The following RGPD4 variants were observed in gnomAD, a reference collection of about 807,000 sequenced individuals.
RGPD4 encodes the protein ranBP2-like and GRIP domain-containing protein 4.
RGPD4 carries 84 observed loss-of-function variants against 141.1 expected under a neutral mutation model. The observed-to-expected ratio is 0.60, with a 90% CI of 0.50 to 0.71. The LOEUF is 0.71. Among genes scored for constraint, RGPD4 ranks in the 30% least tolerant of loss-of-function variants. RGPD4 has a pLI of 0.00. For missense variants in RGPD4, 918 were observed against 1,622.4 expected (o/e 0.57, Z 7.46); for synonymous variants, 298 against 566.8 (o/e 0.53, Z 6.74).
At position 107,836,634 on chromosome 2, in the gene RGPD4, G is replaced by A. The variant is rs200396941; in HGVS notation, c.105G>A (p.Leu35=). 282 of 1,463,780 alleles carry A rather than the reference G, an allele frequency of 1.9e-4. No individual in the cohort carries two copies. The highest frequency in any genetic ancestry group is 2.0e-4 in the Non-Finnish European group (220 of 1,089,670). 90.7% of individuals were successfully genotyped at this position (1,463,780 alleles called of 1,614,324 possible). The change falls in exon 2 of 23, where the codon CTG becomes CTA. Residue 35 remains leucine (L), a synonymous_variant. Transcript: ENST00000408999. ...CGAGAGGATTCTATTTTGCAAAGCTGTATTATGAAGCTAAAGAATATGATC... is the reference window on the plus strand; with the variant it reads ...CGAGAGGATTCTATTTTGCAAAGCTATATTATGAAGCTAAAGAATATGATC... ...KSTRGFYFAK[L]YYEAKEYDLA...
At chr2:107,863,243 C>G (rs904106907) in intron 17 of RGPD4, among the ~76,000 whole-genome samples, 4 of 70,604 alleles carry the variant, frequency 5.7e-5, no homozygotes, top group Middle Eastern at 5.0e-3. Context: ...CTTACTGCGG[C>G]TTCGACCTCC....
chr2:107,869,482 A>T (rs1573515437), intron 18 of RGPD4, among the ~76,000 whole-genome samples: 1 of 137,628 alleles, frequency 7.3e-6, no homozygotes, highest in Admixed American at 7.2e-5. Context: ...CTTTCTGCAG[A>T]TTTTCTAGGC....
rs1214657186 is a variant in RGPD4 at position 107,892,151 on chromosome 2, TGA to T, written c.*1422_*1423del. Among the ~76,000 whole-genome samples, 1 of 53,714 alleles carries T rather than the reference TGA, an allele frequency of 1.9e-5. No individual in the cohort carries two copies. Among genetic ancestry groups the T allele is most frequent in the African/African-American group, 1.3e-4 (1 of 7,524 alleles). 35.2% of individuals were successfully genotyped at this position (53,714 alleles called of 152,430 possible). A position where few individuals can be genotyped will look rare whatever the true frequency, so the allele number is the denominator to read the frequency against. On this transcript the variant is annotated 3_prime_UTR_variant, in exon 23 of 23. Transcript: ENST00000408999. ...TAACTGAAATTTGCTGCTGATATGT[TGA>T]GTTTGTTCTTTAAAAAATATCTCAT...
Position 107,868,994 on chromosome 2 carries a change from T to C in RGPD4, c.2606-889T>C, listed in dbSNP as rs1403480604. Among the ~76,000 whole-genome samples the C allele has an allele frequency of 4.7e-5, 2 of 42,832 alleles. 1 individual carries two copies. Among genetic ancestry groups the C allele is most frequent in the Non-Finnish European group, 9.7e-5 (2 of 20,520 alleles). The allele number at this position is 42,832 out of a possible 152,430, so 28.1% of individuals were successfully genotyped here. ...GGGCCATTTCTGTCAGGTTGTTCTGTGTTCTGTGCCTGCTTCCTCCCCATA... is the reference window on the plus strand; with the variant it reads ...GGGCCATTTCTGTCAGGTTGTTCTGCGTTCTGTGCCTGCTTCCTCCCCATA... On this transcript the variant is annotated intron_variant, in intron 18 of 22. Transcript: ENST00000408999.
At chr2:107,827,645 G>A (rs1681266812) in intron 1 of RGPD4, among the ~76,000 whole-genome samples, 2 of 52,320 alleles carry the variant, frequency 3.8e-5, no homozygotes, top group Admixed American at 1.5e-4. Flanking sequence ...CCCGACGGGC[G>A]CTGCTCCCTG....
intron 1 of RGPD4, among the ~76,000 whole-genome samples, chr2:107,831,449 G>C (rs1004626341): frequency 2.2e-4 from 32 of 147,246 alleles, no homozygotes; most frequent in Admixed American, 5.4e-4. Flanking sequence ...ACCTTTGACA[G>C]CTGTTAGTTG....
chr2:107,870,652 A>T, intron 19 of RGPD4, 53 bp from the exon 20 acceptor site: 5 of 1,319,604 alleles, frequency 3.8e-6, no homozygotes, highest in Non-Finnish European at 5.3e-6. Context: ...TATTTATTTC[A>T]TGACTATTTT....
At position 107,844,929 on chromosome 2, in the gene RGPD4, G is replaced by T. The variant is rs545198354; in HGVS notation, c.782+1199G>T. Among the ~76,000 whole-genome samples the T allele has an allele frequency of 5.6e-3, 688 of 123,286 alleles. 13 individuals are homozygous for T. The highest frequency in any genetic ancestry group is 0.02 in the African/African-American group (645 of 31,516). The allele number at this position is 123,286 out of a possible 152,430, so 80.9% of individuals were successfully genotyped here. On this transcript the variant is annotated intron_variant, in intron 6 of 22. Coordinates refer to ENST00000408999, the MANE Select transcript of RGPD4 (RefSeq NM_182588.3). The stretch of plus-strand genomic sequence containing the variant: ...TGACTCACTGTAACCTCTGCCTCCC[G>T]GGTTCAGGCGATTCTCCTGCCTCAG...
chr2:107,881,643 TC>T (rs1473952642), intron 21 of RGPD4, among the ~76,000 whole-genome samples: 1 of 150,730 alleles, frequency 6.6e-6, no homozygotes, highest in Non-Finnish European at 1.5e-5. Flanking sequence ...AAATTTATAC[TC>T]TCTTCATGAT....
At chr2:107,857,177 G>A (rs935983733) in intron 9 of RGPD4, among the ~76,000 whole-genome samples, 15 of 148,578 alleles carry the variant, frequency 1.0e-4, no homozygotes, top group Admixed American at 4.0e-4. Context: ...TGCTCTTGTC[G>A]CCCATGCTGG....
At chr2:107,833,219 C>T (rs924962162) in intron 1 of RGPD4, among the ~76,000 whole-genome samples, 4 of 149,418 alleles carry the variant, frequency 2.7e-5, no homozygotes, top group Admixed American at 1.3e-4. Flanking sequence ...GGTGACAGAG[C>T]GAGACTCCGT....
chr2:107,888,435 G>A (rs1208519154), intron 22 of RGPD4, among the ~76,000 whole-genome samples: 1 of 151,308 alleles, frequency 6.6e-6, no homozygotes, highest in Non-Finnish European at 1.5e-5. Context: ...TGGGAACAAG[G>A]TTACCTCACT....
chr2:107,859,746 A>G lies in RGPD4; in HGVS notation c.1659A>G (p.Arg553=), dbSNP rs760426346. Reference sequence around the variant, plus strand: ...GACCTGGAAACTCAGCAAAATTGAGACTTTTAGTTCAGCATGAAATAAACA... The same window carrying G: ...GACCTGGAAACTCAGCAAAATTGAGGCTTTTAGTTCAGCATGAAATAAACA... ...KAVPGNSAKL[R]LLVQHEINTL... is the part of the protein sequence containing the mutation. The change falls in exon 12 of 23, where the codon AGA becomes AGG. Residue 553 remains arginine, a synonymous_variant. Transcript: ENST00000408999. 10 of 1,611,122 alleles carry G rather than the reference A, an allele frequency of 6.2e-6. No homozygotes were observed. In the South Asian group the frequency reaches 8.8e-5, roughly 14 times the overall value.
intron 9 of RGPD4, among the ~76,000 whole-genome samples, chr2:107,858,227 A>G (rs894499574): frequency 6.6e-6 from 1 of 151,926 alleles, no homozygotes; most frequent in South Asian, 2.1e-4. Context: ...CACTGTTAAT[A>G]ATCATACTCT....
rs201201755 is a variant in RGPD4, at chr2:107,826,993, G to T, written c.-21G>T. The stretch of plus-strand genomic sequence containing the variant: ...GCTGAGCGCTGGTTTCACGCGTCTC[G>T]GGAGCCAGGTTGGTGGCGCGATGAG... On this transcript the variant is annotated 5_prime_UTR_variant, in exon 1 of 23. Transcript: ENST00000408999. The T allele has an allele frequency of 1.3e-5, 20 of 1,592,304 alleles. No individual in the cohort carries two copies. In the South Asian group the frequency reaches 1.7e-4, roughly 14 times the overall value.
chr2:107,833,358 C>T (rs1358451138), intron 1 of RGPD4, among the ~76,000 whole-genome samples: 1 of 152,174 alleles, frequency 6.6e-6, no homozygotes, highest in Non-Finnish European at 1.5e-5. Context: ...TGTGGCATCT[C>T]TTGGGGTCTT....
At chr2:107,856,365 A>C (rs1249852462) in intron 8 of RGPD4, among the ~76,000 whole-genome samples, 2 of 146,858 alleles carry the variant, frequency 1.4e-5, no homozygotes, top group Non-Finnish European at 3.0e-5. Context: ...CCAGCTGGAA[A>C]TAATTCTTAA....
intron 7 of RGPD4, among the ~76,000 whole-genome samples, chr2:107,854,077 T>C (rs1353713442): frequency 7.2e-6 from 1 of 139,772 alleles, no homozygotes; most frequent in Non-Finnish European, 1.5e-5. Flanking sequence ...TTTTTTGCGA[T>C]GGAGTCTCGC....
intron 22 of RGPD4, among the ~76,000 whole-genome samples, chr2:107,883,768 C>A (rs1449118249): frequency 8.6e-5 from 13 of 151,580 alleles, no homozygotes; most frequent in South Asian, 4.2e-4. Flanking sequence ...CAAGCTGTAT[C>A]TTAAGAATTA....
Sources: allele counts gnomAD v4.1 joint callset (sites outside exome capture counted in the v4.1 genomes callset), GRCh38; gene constraint gnomAD v4.1.1; transcripts MANE v1.5; gene names NCBI Gene and HGNC (gene_info 2026-07-23, HGNC 2026-07-21).